Variants in HERPUD2 observed in about 807,000 individuals in gnomAD.
HERPUD2 encodes homocysteine-responsive endoplasmic reticulum-resident ubiquitin-like domain member 2 protein.
Under a neutral mutation model 49.9 loss-of-function variants are expected in HERPUD2, and 13 were observed. That is an observed-to-expected ratio of 0.26 (90% CI 0.17 to 0.41). HERPUD2 has a LOEUF of 0.41. Ranked by LOEUF, HERPUD2 falls within the 10% of genes least tolerant of loss-of-function variation. HERPUD2 has a pLI of 1.00. For synonymous variants in HERPUD2, 172 were observed against 171.4 expected, an observed-to-expected ratio of 1.00 and a Z score of -0.03; for missense variants, 449 against 492.2, an observed-to-expected ratio of 0.91 and a Z score of 0.83.
intron 2 of HERPUD2, among the ~76,000 whole-genome samples, chr7:35,678,832 A>G (rs1238858566): frequency 6.6e-6 from 1 of 152,210 alleles, no homozygotes; most frequent in African/African-American, 2.4e-5. Context: ...CCATTTTCCT[A>G]TTAAACTGTA....
intron 6 of HERPUD2, among the ~76,000 whole-genome samples, chr7:35,636,649 T>G (rs775636394): frequency 4.6e-5 from 7 of 152,156 alleles, no homozygotes; most frequent in Non-Finnish European, 7.3e-5. Flanking sequence ...ATGTAAGGTA[T>G]GAACATCCTG....
intron 2 of HERPUD2, among the ~76,000 whole-genome samples, chr7:35,691,024 A>G (rs1786172332): frequency 6.6e-6 from 1 of 152,154 alleles, no homozygotes; most frequent in Admixed American, 6.5e-5. Context: ...AATACTAGTC[A>G]CATACTATTA....
intron 5 of HERPUD2, among the ~76,000 whole-genome samples, chr7:35,641,481 T>A (rs1784966487): frequency 6.6e-6 from 1 of 152,148 alleles, no homozygotes; most frequent in South Asian, 2.1e-4. Flanking sequence ...TATTTTAAAA[T>A]CCTTATGGAA....
chr7:35,672,785 T>C (rs944763257), intron 3 of HERPUD2, among the ~76,000 whole-genome samples: 3 of 152,192 alleles, frequency 2.0e-5, no homozygotes, highest in African/African-American at 7.2e-5. Flanking sequence ...GATGGACCAG[T>C]TAATTTCCTC....
chr7:35,693,240 G>C (rs1786231229), intron 2 of HERPUD2, among the ~76,000 whole-genome samples: 1 of 152,180 alleles, frequency 6.6e-6, no homozygotes, highest in African/African-American at 2.4e-5. Flanking sequence ...GAATGGAAAA[G>C]CCATATGAGA....
At chr7:35,675,562 G>C (rs954376904) in intron 2 of HERPUD2, among the ~76,000 whole-genome samples, 2 of 151,984 alleles carry the variant, frequency 1.3e-5, no homozygotes, top group African/African-American at 4.8e-5. Flanking sequence ...TCTGCATAAA[G>C]GACATCAGTC....
At chr7:35,682,826 A>C (rs1011055438) in intron 2 of HERPUD2, among the ~76,000 whole-genome samples, 25 of 61,756 alleles carry the variant, frequency 4.0e-4, no homozygotes, top group African/African-American at 1.2e-3. Flanking sequence ...CAACAGCTGC[A>C]AAAAAAAAAA....
intron 2 of HERPUD2, among the ~76,000 whole-genome samples, chr7:35,674,802 A>G (rs956932027): frequency 5.3e-5 from 8 of 152,158 alleles, no homozygotes; most frequent in African/African-American, 1.9e-4. Context: ...GCTCCAGCAC[A>G]GTAGAATGAG....
chr7:35,636,856 T>C (rs1340729358), intron 6 of HERPUD2, among the ~76,000 whole-genome samples: 1 of 152,104 alleles, frequency 6.6e-6, no homozygotes, highest in Non-Finnish European at 1.5e-5. Flanking sequence ...AAACCGGGCA[T>C]GGTGGCTCAT....
intron 2 of HERPUD2, among the ~76,000 whole-genome samples, chr7:35,693,207 G>A (rs754416866): frequency 6.6e-6 from 1 of 152,178 alleles, no homozygotes; most frequent in African/African-American, 2.4e-5. Context: ...GCAATATCCA[G>A]TTATGATTCA....
In HERPUD2 at chr7:35,681,932, T is replaced by C. The variant is rs370395650; in HGVS notation, c.148-8654A>G. On this transcript the variant is annotated intron_variant, in intron 2 of 8. Transcript: ENST00000311350. ...AGGCAGTGATTATGACAGCACAACTTTGTGAAGTACTAAAAACCACTGGGT... is the reference window on the plus strand; with the variant it reads ...AGGCAGTGATTATGACAGCACAACTCTGTGAAGTACTAAAAACCACTGGGT... 7.2e-5 allele frequency among the ~76,000 whole-genome samples: 11 copies of C among 152,288 alleles called. 1 individual carries two copies. Among genetic ancestry groups the C allele is most frequent in the African/African-American group, 2.6e-4 (11 of 41,556 alleles).
chr7:35,641,829 G>T (rs1477309545), intron 5 of HERPUD2, among the ~76,000 whole-genome samples: 1 of 152,104 alleles, frequency 6.6e-6, no homozygotes. Context: ...ATGGTTTAAA[G>T]ACTTACATGT....
chr7:35,670,400 C>T (rs1011858294), intron 3 of HERPUD2, 72 bp from the exon 4 acceptor site: 45 of 585,924 alleles, frequency 7.7e-5, no homozygotes, highest in South Asian at 2.3e-4. Context: ...AGTAGCTAAA[C>T]TGAAATACCT....
At chr7:35,641,963 T>A (rs1784973658) in intron 5 of HERPUD2, among the ~76,000 whole-genome samples, 1 of 152,132 alleles carries the variant, frequency 6.6e-6, no homozygotes, top group South Asian at 2.1e-4. Flanking sequence ...AATTGACACA[T>A]GGGATCTAAT....
At chr7:35,636,477 A>G (rs1371003197) in intron 6 of HERPUD2, among the ~76,000 whole-genome samples, 6 of 152,204 alleles carry the variant, frequency 3.9e-5, no homozygotes, top group Admixed American at 1.3e-4. Flanking sequence ...CTCAAGTTAA[A>G]TGATGCACAT....
At chr7:35,672,948 C>T (rs543939969) in intron 3 of HERPUD2, among the ~76,000 whole-genome samples, 1 of 152,030 alleles carries the variant, frequency 6.6e-6, no homozygotes, top group African/African-American at 2.4e-5. Context: ...CATTTTCTTA[C>T]AAAAAATGAC....
chr7:35,672,429 A>G (rs1470669508), intron 3 of HERPUD2, among the ~76,000 whole-genome samples: 2 of 152,066 alleles, frequency 1.3e-5, no homozygotes, highest in Admixed American at 6.6e-5. Flanking sequence ...TCTAAGCAGA[A>G]GGAATATACT....
intron 5 of HERPUD2, among the ~76,000 whole-genome samples, chr7:35,642,526 C>G (rs1358450410): frequency 6.6e-6 from 1 of 152,120 alleles, no homozygotes; most frequent in Admixed American, 6.6e-5. Flanking sequence ...TCATACAGCA[C>G]TATTCACAAT....
intron 2 of HERPUD2, among the ~76,000 whole-genome samples, chr7:35,686,579 C>T (rs1247759817): frequency 7.2e-6 from 1 of 139,822 alleles, no homozygotes; most frequent in Non-Finnish European, 1.5e-5. Flanking sequence ...ATTAGCCGGG[C>T]GTAGTGGCGG....
Sources: allele counts gnomAD v4.1 joint callset (sites outside exome capture counted in the v4.1 genomes callset), GRCh38; gene constraint gnomAD v4.1.1; transcripts MANE v1.5; gene names NCBI Gene and HGNC (gene_info 2026-07-23, HGNC 2026-07-21).